The following ANKS1B variants were observed in gnomAD, a reference collection of about 807,000 sequenced individuals.
ANKS1B encodes ankyrin repeat and sterile alpha motif domain containing 1B.
ANKS1B carries 36 observed loss-of-function variants against 148.3 expected under a neutral mutation model. The ratio of observed to expected loss-of-function variants is 0.24; its 90% CI spans 0.19 to 0.32. The LOEUF (loss-of-function observed/expected upper bound fraction) is 0.32, where lower values mean the gene tolerates loss of function less well. ANKS1B is among the 10% of genes least tolerant of loss of function. ANKS1B has a pLI of 1.00. For missense variants in ANKS1B, 1,157 were observed against 1,542.6 expected (o/e 0.75, Z 4.19); for synonymous variants, 542 against 560.8 (o/e 0.97, Z 0.47).
chr12:99,318,562 T>C (rs1233039938), intron 12 of ANKS1B, among the ~76,000 whole-genome samples: 1 of 152,206 alleles, frequency 6.6e-6, no homozygotes, highest in Non-Finnish European at 1.5e-5. Context: ...CTTCTCTCTT[T>C]TCTCCATTAT....
At chr12:99,754,922 C>T (rs1302724177) in intron 8 of ANKS1B, among the ~76,000 whole-genome samples, 8 of 152,040 alleles carry the variant, frequency 5.3e-5, no homozygotes, top group Admixed American at 3.9e-4. Flanking sequence ...AACAACCTAA[C>T]ATCACAACTA....
chr12:98,753,790 A>C (rs1204079816), intron 25 of ANKS1B, among the ~76,000 whole-genome samples: 1 of 152,188 alleles, frequency 6.6e-6, no homozygotes, highest in Non-Finnish European at 1.5e-5. Context: ...AAAATCACAG[A>C]AATGTCATTC....
chr12:99,273,932 A>C (rs1416469131), intron 12 of ANKS1B, among the ~76,000 whole-genome samples: 2 of 151,800 alleles, frequency 1.3e-5, no homozygotes, highest in Admixed American at 6.6e-5. Context: ...AGTGTATTTT[A>C]TGCATGGCCT....
chr12:99,127,800 G>C (rs1188921354), intron 15 of ANKS1B, among the ~76,000 whole-genome samples: 1 of 152,198 alleles, frequency 6.6e-6, no homozygotes, highest in East Asian at 1.9e-4. Flanking sequence ...GCAAATGCTT[G>C]GGGAGAATTT....
intron 1 of ANKS1B, among the ~76,000 whole-genome samples, chr12:99,855,383 C>T (rs1198926966): frequency 6.6e-6 from 1 of 151,980 alleles, no homozygotes; most frequent in Non-Finnish European, 1.5e-5. Context: ...TATATATGCA[C>T]CTAACACTGG....
At chr12:98,874,049 C>G (rs1011965696) in intron 17 of ANKS1B, among the ~76,000 whole-genome samples, 1 of 152,118 alleles carries the variant, frequency 6.6e-6, no homozygotes, top group Non-Finnish European at 1.5e-5. Context: ...CATTATCTGT[C>G]TGCCTCTTTT....
chr12:98,809,244 C>T (rs182924298), intron 19 of ANKS1B, among the ~76,000 whole-genome samples: 230 of 152,312 alleles, frequency 1.5e-3, no homozygotes, highest in Middle Eastern at 6.8e-3. Context: ...TTTTATACAT[C>T]CATAGAGGGT....
At chr12:99,037,152 A>G (rs2099956067) in intron 17 of ANKS1B, among the ~76,000 whole-genome samples, 2 of 152,202 alleles carry the variant, frequency 1.3e-5, no homozygotes, top group Non-Finnish European at 2.9e-5. Context: ...ACATATTACC[A>G]AAGAGCTGTC....
chr12:99,421,712 G>A (rs1055491563), intron 11 of ANKS1B, among the ~76,000 whole-genome samples: 1 of 152,156 alleles, frequency 6.6e-6, no homozygotes, highest in Non-Finnish European at 1.5e-5. Flanking sequence ...TTAGTCATTA[G>A]ACATATTTTG....
intron 12 of ANKS1B, among the ~76,000 whole-genome samples, chr12:99,284,303 G>C (rs2078841872): frequency 6.6e-6 from 1 of 152,170 alleles, no homozygotes; most frequent in East Asian, 1.9e-4. Context: ...GCAGTGCAGA[G>C]AGAAGGAAGA....
chr12:99,286,886 T>C (rs960117330), intron 12 of ANKS1B, among the ~76,000 whole-genome samples: 1 of 152,144 alleles, frequency 6.6e-6, no homozygotes, highest in Non-Finnish European at 1.5e-5. Flanking sequence ...CACAGTAGAA[T>C]AGAGTACCAA....
intron 17 of ANKS1B, among the ~76,000 whole-genome samples, chr12:99,046,752 T>G (rs1433065829): frequency 6.8e-6 from 1 of 147,636 alleles, no homozygotes; most frequent in African/African-American, 2.5e-5. Flanking sequence ...TGAGCAGAGA[T>G]TGCAGAGATT....
At chr12:99,972,154 A>G (rs560389913) in intron 1 of ANKS1B, among the ~76,000 whole-genome samples, 4 of 152,232 alleles carry the variant, frequency 2.6e-5, no homozygotes, top group Admixed American at 2.6e-4. Context: ...ATTCCCTCGG[A>G]TACAACAATA....
intron 17 of ANKS1B, among the ~76,000 whole-genome samples, chr12:99,046,616 G>A (rs150078694): frequency 6.2e-4 from 94 of 152,024 alleles, no homozygotes; most frequent in Non-Finnish European, 8.5e-4. Flanking sequence ...TGGCTAACAC[G>A]CTGAAACCCC....
At chr12:98,903,874 C>T (rs75191420) in intron 17 of ANKS1B, among the ~76,000 whole-genome samples, 1 of 152,132 alleles carries the variant, frequency 6.6e-6, no homozygotes, top group Non-Finnish European at 1.5e-5. Context: ...TCATTACCAA[C>T]TGAAGAAGCC....
intron 10 of ANKS1B, among the ~76,000 whole-genome samples, chr12:99,484,556 G>A (rs146000503): frequency 6.7e-4 from 102 of 151,892 alleles, no homozygotes; most frequent in Middle Eastern, 3.4e-3. Flanking sequence ...TTGATTTTAC[G>A]TCTCAAAGAT....
chr12:98,867,492 C>G (rs1300270913), intron 17 of ANKS1B, among the ~76,000 whole-genome samples: 1 of 152,200 alleles, frequency 6.6e-6, no homozygotes, highest in African/African-American at 2.4e-5. Context: ...CAATCAGCAG[C>G]TAACAGCAGG....
intron 15 of ANKS1B, among the ~76,000 whole-genome samples, chr12:99,100,686 C>T (rs1015597005): frequency 2.1e-4 from 32 of 152,278 alleles, no homozygotes; most frequent in African/African-American, 6.3e-4. Flanking sequence ...CATGCCATCA[C>T]GCCCAGCTAA....
chr12:99,365,012 G>A (rs1188939278), intron 12 of ANKS1B, among the ~76,000 whole-genome samples: 1 of 152,190 alleles, frequency 6.6e-6, no homozygotes, highest in Non-Finnish European at 1.5e-5. Context: ...CTGATTGAAA[G>A]GATCCACTGG....
Sources: allele counts gnomAD v4.1 joint callset (sites outside exome capture counted in the v4.1 genomes callset), GRCh38; gene constraint gnomAD v4.1.1; transcripts MANE v1.5; gene names NCBI Gene and HGNC (gene_info 2026-07-23, HGNC 2026-07-21).